The following GALK2 variants were observed in gnomAD, a reference collection of about 807,000 sequenced individuals.
GALK2 encodes N-acetylgalactosamine kinase.
In GALK2, 36 loss-of-function variants were observed where a neutral mutation model predicts 52.4. The ratio of observed to expected loss-of-function variants is 0.69; its 90% CI spans 0.53 to 0.91. GALK2 has a LOEUF of 0.91. Ranked by LOEUF, GALK2 falls within the 40% of genes least tolerant of loss-of-function variation. GALK2 has a pLI of 0.00. For missense variants in GALK2, 579 were observed against 559.1 expected, an observed-to-expected ratio of 1.04 and a Z score of -0.36; for synonymous variants, 176 against 199.1, an observed-to-expected ratio of 0.88 and a Z score of 0.98.
intron 3 of GALK2, among the ~76,000 whole-genome samples, chr15:49,351,663 A>G: frequency 6.6e-6 from 1 of 152,194 alleles, no homozygotes; most frequent in East Asian, 1.9e-4. Flanking sequence ...GTGCTCTTGG[A>G]ATCAATACCT....
chr15:49,270,690 A>G lies in GALK2; in HGVS notation c.505-11297A>G, dbSNP rs75141150. On this transcript the variant is annotated intron_variant, in intron 5 of 9. Coordinates refer to ENST00000560031, the MANE Select transcript of GALK2 (RefSeq NM_002044.4). Reference sequence around the variant, plus strand: ...TTGTATACATAAAACCCTTTCCCCAAGGCAAATGTGTACACTGAGATATGT... The same window carrying G: ...TTGTATACATAAAACCCTTTCCCCAGGGCAAATGTGTACACTGAGATATGT... 8.1e-3 allele frequency among the ~76,000 whole-genome samples: 1,231 copies of G among 152,306 alleles called. 16 individuals carry two copies. The highest frequency in any genetic ancestry group is 0.029 in the African/African-American group (1,185 of 41,564).
At position 49,226,583 on chromosome 15, in the gene GALK2, A is replaced by G. The variant is rs185840268; in HGVS notation, c.267-9268A>G. 1.0e-4 allele frequency: 15 copies of G among 150,736 alleles called. No homozygotes were observed. In the East Asian group the frequency reaches 2.7e-3, roughly 28 times the overall value. The allele number at this position is 150,736 out of a possible 1,614,324, so 9.3% of individuals were successfully genotyped here. On this transcript the variant is annotated intron_variant, in intron 3 of 9. Coordinates refer to ENST00000560031, the MANE Select transcript of GALK2 (RefSeq NM_002044.4). The stretch of plus-strand genomic sequence containing the variant: ...TTTTTTTTTAGTAGCTACTTTATTT[A>G]CTTCTATTCTGATCTTCATTATTTC...
chr15:49,182,827 A>AT (rs2086073769), intron 1 of GALK2, among the ~76,000 whole-genome samples: 1 of 152,088 alleles, frequency 6.6e-6, no homozygotes, highest in African/African-American at 2.4e-5. Context: ...CCATTTTTGA[A>AT]TTGAATTATT....
At chr15:49,286,734 T>A (rs183708447) in intron 7 of GALK2, among the ~76,000 whole-genome samples, 1 of 152,170 alleles carries the variant, frequency 6.6e-6, no homozygotes, top group African/African-American at 2.4e-5. Context: ...TTCAATGAAC[T>A]TTTTTTCTTT....
intron 3 of GALK2, among the ~76,000 whole-genome samples, chr15:49,228,700 T>A (rs1331032842): frequency 1.2e-5 from 1 of 83,650 alleles, no homozygotes; most frequent in Non-Finnish European, 2.4e-5. Context: ...TTTTTTTTTT[T>A]TTTTTTTTTT....
chr15:49,349,197 ATTT>A (rs1338349128), intron 3 of GALK2, among the ~76,000 whole-genome samples: 2 of 152,156 alleles, frequency 1.3e-5, no homozygotes, highest in Admixed American at 6.5e-5. Context: ...AGATATTACA[ATTT>A]TTTAATTGTC....
intron 8 of GALK2, among the ~76,000 whole-genome samples, chr15:49,319,305 T>C (rs1020843901): frequency 2.0e-5 from 3 of 152,174 alleles, no homozygotes; most frequent in Non-Finnish European, 2.9e-5. Context: ...ACTCATTACA[T>C]GTTAGGTCTG....
intron 3 of GALK2, among the ~76,000 whole-genome samples, chr15:49,222,290 G>T (rs1274010667): frequency 6.6e-6 from 1 of 151,864 alleles, no homozygotes; most frequent in Non-Finnish European, 1.5e-5. Flanking sequence ...AGGTGTAAGA[G>T]TTTTTTTTAG....
At chr15:49,227,366 T>C (rs1195388222) in intron 3 of GALK2, among the ~76,000 whole-genome samples, 2 of 152,200 alleles carry the variant, frequency 1.3e-5, no homozygotes, top group Non-Finnish European at 2.9e-5. Flanking sequence ...GATCCCTTTG[T>C]CATTATATAA....
At position 49,330,052 on chromosome 15, in the gene GALK2, T is replaced by C. The variant is rs1181742351; in HGVS notation, c.*1893T>C. On this transcript the variant is annotated 3_prime_UTR_variant, in exon 10 of 10. Coordinates refer to ENST00000560031, the MANE Select transcript of GALK2 (RefSeq NM_002044.4). ...CTAGATATTATGAGAGATGCTAAAC[T>C]TACCTGGAAGGGATAGGGCCGGGGC... 1 of 152,400 alleles carries C rather than the reference T, an allele frequency of 6.6e-6. No homozygotes were observed. The highest frequency in any genetic ancestry group is 2.4e-5 in the African/African-American group (1 of 41,438). 9.4% of individuals were successfully genotyped at this position (152,400 alleles called of 1,614,324 possible). A position where few individuals can be genotyped will look rare whatever the true frequency, so the allele number is the denominator to read the frequency against.
At chr15:49,354,612 G>A (rs533110176) in intron 3 of GALK2, among the ~76,000 whole-genome samples, 5 of 152,302 alleles carry the variant, frequency 3.3e-5, no homozygotes, top group Admixed American at 1.3e-4. Flanking sequence ...ACGGAGTCTC[G>A]CTGATTGCTA....
At chr15:49,299,738 T>TTTCTTTCTTTC (rs2034844329) in intron 8 of GALK2, among the ~76,000 whole-genome samples, 4 of 76,412 alleles carry the variant, frequency 5.2e-5, no homozygotes, top group African/African-American at 2.1e-4. Flanking sequence ...TTCTTTCTTT[T>TTTCTTTCTTTC]CTTTCTTTCT....
upstream of GALK2, chr15:49,169,941 A>C (rs541922400): frequency 2.4e-4 from 45 of 190,966 alleles, no homozygotes; most frequent in African/African-American, 9.2e-4. Flanking sequence ...GACAGATCAG[A>C]AACTAGGTGT....
intron 8 of GALK2, among the ~76,000 whole-genome samples, chr15:49,294,168 T>TAAATAAATAAATAAATAAATA (rs1478633134): frequency 2.7e-5 from 4 of 150,354 alleles, no homozygotes; most frequent in African/African-American, 9.7e-5. Context: ...AATAAATAAA[T>TAAATAAATAAATAAATAAATA]AAATAAATAA....
chr15:49,309,808 C>T (rs1354508080), intron 8 of GALK2, among the ~76,000 whole-genome samples: 1 of 151,872 alleles, frequency 6.6e-6, no homozygotes, highest in Non-Finnish European at 1.5e-5. Context: ...TTAGTAGAGA[C>T]AGGTTTCTCC....
At chr15:49,252,439 T>C (rs898671632) in intron 5 of GALK2, among the ~76,000 whole-genome samples, 2 of 152,204 alleles carry the variant, frequency 1.3e-5, no homozygotes, top group Non-Finnish European at 2.9e-5. Context: ...TGCCCAATTA[T>C]AGATTTTGGT....
chr15:49,322,355 A>C (rs910813096), intron 9 of GALK2, among the ~76,000 whole-genome samples: 16 of 152,320 alleles, frequency 1.1e-4, no homozygotes, highest in African/African-American at 3.8e-4. Flanking sequence ...ATAGGGTCCA[A>C]GTTTTCCATA....
At chr15:49,332,919 C>G (rs1017301868), downstream of GALK2, among the ~76,000 whole-genome samples, 1 of 152,110 alleles carries the variant, frequency 6.6e-6, no homozygotes, top group African/African-American at 2.4e-5. Flanking sequence ...CTCATTCTCT[C>G]TCTGCTTGTT....
intron 3 of GALK2, among the ~76,000 whole-genome samples, chr15:49,231,253 G>A (rs1458999795): frequency 6.6e-6 from 1 of 152,164 alleles, no homozygotes; most frequent in African/African-American, 2.4e-5. Flanking sequence ...TACATGAGTG[G>A]AGCAGGAGGC....
Sources: allele counts gnomAD v4.1 joint callset (sites outside exome capture counted in the v4.1 genomes callset), GRCh38; gene constraint gnomAD v4.1.1; transcripts MANE v1.5; gene names NCBI Gene and HGNC (gene_info 2026-07-23, HGNC 2026-07-21).